Variants in CTNNA2 observed in about 807,000 individuals in gnomAD.
CTNNA2 encodes the protein catenin alpha 2, also known as catenin alpha-2.
In CTNNA2, 42 loss-of-function variants were observed where a neutral mutation model predicts 101.0. That is an observed-to-expected ratio of 0.42 (90% CI 0.32 to 0.54). The LOEUF is 0.54. CTNNA2 is among the 20% of genes least tolerant of loss of function. CTNNA2 has a pLI of 0.14. For missense variants in CTNNA2, 871 were observed against 1,223.1 expected (o/e 0.71, Z 4.29); for synonymous variants, 450 against 456.4 (o/e 0.99, Z 0.18).
intron 6 of CTNNA2, among the ~76,000 whole-genome samples, chr2:79,901,396 G>A (rs191044891): frequency 1.3e-5 from 2 of 152,102 alleles, no homozygotes; most frequent in East Asian, 3.9e-4. Flanking sequence ...CTTGAACTAT[G>A]AAGGTAGTAA....
Position 80,601,417 on chromosome 2 carries a change from C to CTTTTTTTTTTTTTTTTTTTTTTTTTTT in CTNNA2, c.2190-2654_2190-2653insTTTTTTTTTTTTTTTTTTTTTTTTTTT, listed in dbSNP as rs375645223. On this transcript the variant is annotated intron_variant, in intron 15 of 18. Transcript: ENST00000402739. Reference sequence around the variant, plus strand: ...GATTTAATGACTTTTTTCTTTCTTTCTTTCTTTTTTTTTTTTTTTGATGAG... The same window carrying CTTTTTTTTTTTTTTTTTTTTTTTTTTT: ...GATTTAATGACTTTTTTCTTTCTTTCTTTTTTTTTTTTTTTTTTTTTTTTTTTTTTCTTTTTTTTTTTTTTTGATGAG... Among the ~76,000 whole-genome samples the CTTTTTTTTTTTTTTTTTTTTTTTTTTT allele has an allele frequency of 6.2e-4, 58 of 94,190 alleles. 6 individuals are homozygous for CTTTTTTTTTTTTTTTTTTTTTTTTTTT. Among genetic ancestry groups the CTTTTTTTTTTTTTTTTTTTTTTTTTTT allele is most frequent in the East Asian group, 1.2e-3 (3 of 2,606 alleles). The allele number at this position is 94,190 out of a possible 152,430, so 61.8% of individuals were successfully genotyped here.
intron 7 of CTNNA2, among the ~76,000 whole-genome samples, chr2:80,245,767 C>A (rs77440618): frequency 0.019 from 2,865 of 147,010 alleles, 99 homozygotes; most frequent in African/African-American, 0.068. Flanking sequence ...TTTTGAACAA[C>A]CATTTAAAAC....
chr2:80,183,871 G>T (rs1387216820), intron 7 of CTNNA2, among the ~76,000 whole-genome samples: 1 of 132,188 alleles, frequency 7.6e-6, no homozygotes, highest in East Asian at 2.0e-4. Flanking sequence ...GTAAGAAGAA[G>T]TGTGTGCTCT....
At chr2:79,873,207 C>T (rs1220322971) in intron 5 of CTNNA2, among the ~76,000 whole-genome samples, 3 of 152,070 alleles carry the variant, frequency 2.0e-5, no homozygotes, top group Non-Finnish European at 4.4e-5. Context: ...CAAGTAGGGC[C>T]TCAGAAGACT....
intron 18 of CTNNA2, among the ~76,000 whole-genome samples, chr2:80,643,067 C>G (rs146960569): frequency 1.3e-5 from 2 of 152,254 alleles, no homozygotes; most frequent in African/African-American, 4.8e-5. Flanking sequence ...CATCTGTTTT[C>G]TTTTAAACAT....
At chr2:80,380,469 T>G (rs540588647) in intron 7 of CTNNA2, among the ~76,000 whole-genome samples, 48 of 152,294 alleles carry the variant, frequency 3.2e-4, no homozygotes, top group African/African-American at 1.2e-3. Context: ...AATGGAGAAT[T>G]AAGTCTCTCC....
At chr2:79,858,802 C>T (rs987742675) in intron 4 of CTNNA2, among the ~76,000 whole-genome samples, 1 of 152,214 alleles carries the variant, frequency 6.6e-6, no homozygotes, top group Non-Finnish European at 1.5e-5. Flanking sequence ...CATAGAACAC[C>T]ATTCTATGTG....
At chr2:79,788,990 C>A (rs180831403) in intron 3 of CTNNA2, among the ~76,000 whole-genome samples, 41 of 151,878 alleles carry the variant, frequency 2.7e-4, no homozygotes, top group Non-Finnish European at 5.3e-4. Flanking sequence ...AATGATACAC[C>A]ATGTCAGCTG....
At chr2:79,726,868 A>G (rs554156757) in intron 2 of CTNNA2, among the ~76,000 whole-genome samples, 2 of 152,324 alleles carry the variant, frequency 1.3e-5, no homozygotes, top group African/African-American at 4.8e-5. Context: ...TTCAGACTAC[A>G]TATTAGGTTT....
chr2:79,258,108 C>A (rs1327715349), intron 2 of CTNNA2, among the ~76,000 whole-genome samples: 1 of 152,168 alleles, frequency 6.6e-6, no homozygotes, highest in Non-Finnish European at 1.5e-5. Context: ...TATAGCAACC[C>A]TATTTCCAAA....
chr2:80,379,069 G>A (rs142452005), intron 7 of CTNNA2, among the ~76,000 whole-genome samples: 10 of 152,118 alleles, frequency 6.6e-5, no homozygotes, highest in East Asian at 5.8e-4. Context: ...ACAAGGGAAC[G>A]GAAAGGTTGG....
At position 79,982,230 on chromosome 2, in the gene CTNNA2, A is replaced by ATATATG. The variant is rs1553420939; in HGVS notation, c.1056+72438_1056+72439insGTATAT. On this transcript the variant is annotated intron_variant, in intron 7 of 18. Coordinates refer to ENST00000402739, the MANE Select transcript of CTNNA2 (RefSeq NM_001282597.3). ...TATATATATATATATATATATATAT[A>ATATATG]TATATATATATGTATGTATATGTAC... Among the ~76,000 whole-genome samples, 34 of 96,444 alleles carry ATATATG rather than the reference A, an allele frequency of 3.5e-4. 1 individual carries two copies. The East Asian group carries it at 0.012, about 34-fold the overall frequency. 63.3% of individuals were successfully genotyped at this position (96,444 alleles called of 152,430 possible).
intron 7 of CTNNA2, among the ~76,000 whole-genome samples, chr2:80,249,303 G>T (rs139528927): frequency 2.4e-3 from 368 of 152,286 alleles, no homozygotes; most frequent in African/African-American, 8.5e-3. Context: ...GGGCATTCAG[G>T]TGGATTACTC....
Position 79,187,219 on chromosome 2 carries a change from T to C in CTNNA2, c.-524+1788T>C, listed in dbSNP as rs192398514. Among the ~76,000 whole-genome samples, 7 of 151,722 alleles carry C rather than the reference T, an allele frequency of 4.6e-5. No individual in the cohort carries two copies. In the East Asian group the frequency reaches 1.2e-3, roughly 25 times the overall value. On this transcript the variant is annotated intron_variant, in intron 1 of 21. Transcript: ENST00000466387. ...TAACACTGTATTTTCATATGCTTTT[T>C]ATTCTAAGACACTTCTTTTTCTTTT...
intron 1 of CTNNA2, among the ~76,000 whole-genome samples, chr2:79,612,085 A>G (rs958282958): frequency 7.2e-5 from 11 of 152,126 alleles, no homozygotes; most frequent in African/African-American, 2.7e-4. Flanking sequence ...GTTTTCCACT[A>G]TGCCAATGTT....
intron 7 of CTNNA2, among the ~76,000 whole-genome samples, chr2:80,201,754 T>C (rs1425322324): frequency 3.3e-5 from 5 of 152,208 alleles, no homozygotes; most frequent in African/African-American, 1.2e-4. Context: ...GCAGGACTAA[T>C]CTTGTAGTTA....
intron 9 of CTNNA2, among the ~76,000 whole-genome samples, chr2:80,449,916 G>C (rs1204994780): frequency 6.6e-6 from 1 of 152,178 alleles, no homozygotes; most frequent in African/African-American, 2.4e-5. Flanking sequence ...TGAGAAATGA[G>C]AGTTGACTAT....
chr2:79,642,528 A>G (rs763678445), intron 1 of CTNNA2, among the ~76,000 whole-genome samples: 119 of 152,134 alleles, frequency 7.8e-4, no homozygotes, highest in Non-Finnish European at 1.4e-3. Context: ...GTTATAGTCA[A>G]AGTTAGGGGA....
In CTNNA2 at chr2:79,804,557, C is replaced by A. The variant is rs562957306; in HGVS notation, c.299-53456C>A. 1.5e-3 allele frequency among the ~76,000 whole-genome samples: 221 copies of A among 152,166 alleles called. 1 individual carries two copies. The highest frequency in any genetic ancestry group is 6.8e-3 in the Middle Eastern group (2 of 294). On this transcript the variant is annotated intron_variant, in intron 3 of 18. Transcript: ENST00000402739. ...TGAAGCAAATTTTGAGGTTAAGAGC[C>A]TGAGTGGGGAAAATTAATGGAATTT... is the stretch of plus-strand genomic sequence containing the variant.
Sources: gnomAD v4.1 joint callset for allele counts (sites outside exome capture counted in the v4.1 genomes callset) on GRCh38, gnomAD v4.1.1 for gene constraint, MANE v1.5 for transcripts, NCBI Gene and HGNC (gene_info 2026-07-23, HGNC 2026-07-21) for gene names.